Variants in TTLL4 observed in about 807,000 individuals in gnomAD.
TTLL4 encodes tubulin tyrosine ligase like 4.
TTLL4 carries 85 observed loss-of-function variants against 122.7 expected under a neutral mutation model. The ratio of observed to expected loss-of-function variants is 0.69; its 90% CI spans 0.58 to 0.83. The LOEUF (loss-of-function observed/expected upper bound fraction) is 0.83, where lower values mean the gene tolerates loss of function less well. Ranked by LOEUF, TTLL4 falls within the 40% of genes least tolerant of loss-of-function variation. The probability of loss-of-function intolerance (pLI) is 0.00; values close to 1 mark genes in which losing one functional copy is unlikely to be tolerated. For missense variants in TTLL4, 1,363 were observed against 1,488.6 expected (o/e 0.92, Z 1.39); for synonymous variants, 553 against 563.0 (o/e 0.98, Z 0.25).
At chr2:218,753,986 T>C in intron 19 of TTLL4, 148 bp from the exon 20 acceptor site, 6 of 1,246,900 alleles carry the variant, frequency 4.8e-6, no homozygotes, top group Non-Finnish European at 5.6e-6. Context: ...TAAATAGAAT[T>C]TTTTTTATGG....
chr2:218,732,549 C>T (rs912360421), intron 2 of TTLL4, among the ~76,000 whole-genome samples: 6 of 152,116 alleles, frequency 3.9e-5, no homozygotes, highest in African/African-American at 9.7e-5. Context: ...TATGTGCTGT[C>T]GGTAGGGTCT....
intron 19 of TTLL4, 75 bp downstream of exon 19, chr2:218,753,744 A>G (rs1943087911): frequency 6.6e-7 from 1 of 1,511,012 alleles, no homozygotes; most frequent in African/African-American, 1.4e-5. Context: ...CTCTTCCCAG[A>G]CTGTGGCAGT....
Position 218,750,158 on chromosome 2 carries a change from A to G in TTLL4, c.2873+12A>G, listed in dbSNP as rs1435940931. 2.5e-6 allele frequency: 4 copies of G among 1,612,722 alleles called. No homozygotes were observed. Among genetic ancestry groups the G allele is most frequent in the African/African-American group, 2.7e-5 (2 of 74,868 alleles). ...AGCTCCACCACCAGGTGAGGCCCCT[A>G]TTTCTTCACAGCTCTGCTGGCAGCA... On this transcript the variant is annotated intron_variant, in intron 15 of 19. Transcript: ENST00000392102.
chr2:218,721,645 GT>G (rs928378340), intron 1 of TTLL4, among the ~76,000 whole-genome samples: 14 of 152,158 alleles, frequency 9.2e-5, no homozygotes, highest in African/African-American at 3.4e-4. Flanking sequence ...AGTGAAAAAA[GT>G]TTTTTCCCCC....
chr2:218,750,478 A>G (rs1942986597), intron 15 of TTLL4, among the ~76,000 whole-genome samples: 1 of 152,030 alleles, frequency 6.6e-6, no homozygotes, highest in Non-Finnish European at 1.5e-5. Flanking sequence ...CACTATGATG[A>G]TCATGCCTGT....
intron 18 of TTLL4, 124 bp downstream of exon 18, chr2:218,753,309 T>TG: frequency 1.9e-6 from 2 of 1,077,438 alleles, no homozygotes; most frequent in Non-Finnish European, 2.8e-6. Flanking sequence ...GCTCTGCTTC[T>TG]GTCTCACCAT....
Position 218,754,338 on chromosome 2 carries a change from T to C in TTLL4, c.3549T>C (p.Ala1183=). ...KCSGQTSRLS[A]SSTFQSISDS... ...CTGGGCAGACTTCAAGACTTTCTGCTTCCTCCACTTTCCAGTCAATCAGTG... is the reference window on the plus strand; with the variant it reads ...CTGGGCAGACTTCAAGACTTTCTGCCTCCTCCACTTTCCAGTCAATCAGTG... Residue 1183 remains alanine, a synonymous_variant, in exon 20 of 20, where the codon GCT becomes GCC. Transcript: ENST00000392102. 1 of 1,614,168 alleles carries C rather than the reference T, an allele frequency of 6.2e-7. No individual in the cohort carries two copies. The highest frequency in any genetic ancestry group is 8.5e-7 in the Non-Finnish European group (1 of 1,180,030).
At chr2:218,745,860 T>A in intron 7 of TTLL4, 59 bp downstream of exon 7, 1 of 1,482,232 alleles carries the variant, frequency 6.7e-7, no homozygotes, top group Admixed American at 1.8e-5. Context: ...GGGCTTTGCA[T>A]AGGGGGAGAG....
Position 218,728,703 on chromosome 2 carries a change from A to G in TTLL4, c.-99+1356A>G, listed in dbSNP as rs116792984. Among the ~76,000 whole-genome samples, 481 of 152,338 alleles carry G rather than the reference A, an allele frequency of 3.2e-3. 1 individual carries two copies. The highest frequency in any genetic ancestry group is 0.011 in the African/African-American group (459 of 41,574). On this transcript the variant is annotated intron_variant, in intron 2 of 19. Transcript: ENST00000392102. The stretch of plus-strand genomic sequence containing the variant: ...GAAGGCTGACTAGGGATTTGTGCCC[A>G]GGAGACCTGTAGAACATACCTCCTA...
Position 218,739,183 on chromosome 2 carries a change from G to A in TTLL4, c.1487+20G>A, listed in dbSNP as rs1157434138. On this transcript the variant is annotated intron_variant, in intron 3 of 19. Coordinates refer to ENST00000392102, the MANE Select transcript of TTLL4 (RefSeq NM_014640.5). The stretch of plus-strand genomic sequence containing the variant: ...TATTAGGTATGTTGGCAATGTTTTT[G>A]GTTCATTTAGAGCAGTAGAATGTAT... 1 of 1,599,708 alleles carries A rather than the reference G, an allele frequency of 6.3e-7. No individual in the cohort carries two copies. Among genetic ancestry groups the A allele is most frequent in the Admixed American group, 1.7e-5 (1 of 58,902 alleles).
intron 2 of TTLL4, among the ~76,000 whole-genome samples, chr2:218,728,335 A>G (rs1942254956): frequency 6.6e-6 from 1 of 152,318 alleles, no homozygotes; most frequent in East Asian, 1.9e-4. Flanking sequence ...TCTGGGGGTG[A>G]TGGAAGATAG....
At chr2:218,726,933 G>A (rs1263433382) in intron 1 of TTLL4, among the ~76,000 whole-genome samples, 1 of 151,966 alleles carries the variant, frequency 6.6e-6, no homozygotes, top group African/African-American at 2.4e-5. Flanking sequence ...GCCTCCTGTA[G>A]CCTGTAGCTG....
chr2:218,740,630 T>C, intron 5 of TTLL4, 46 bp downstream of exon 5: 1 of 1,597,976 alleles, frequency 6.3e-7, no homozygotes, highest in South Asian at 1.1e-5. Context: ...ATCTTTTGTC[T>C]CTTAAAGATT....
intron 2 of TTLL4, among the ~76,000 whole-genome samples, chr2:218,733,061 A>G (rs1405266385): frequency 1.3e-5 from 2 of 152,108 alleles, no homozygotes; most frequent in East Asian, 1.9e-4. Context: ...ATCTTATCCA[A>G]CCTTGGATAT....
chr2:218,723,427 A>T (rs1559358726), intron 1 of TTLL4, among the ~76,000 whole-genome samples: 1 of 152,160 alleles, frequency 6.6e-6, no homozygotes, highest in Non-Finnish European at 1.5e-5. Context: ...TTGTATGTTG[A>T]TGGGTCCTAG....
intron 8 of TTLL4, chr2:218,746,676 G>T: frequency 2.5e-6 from 1 of 399,090 alleles, no homozygotes. Context: ...GAATGAATGA[G>T]TCCCTTGCCT....
chr2:218,737,315 G>A (rs541677705), intron 2 of TTLL4, among the ~76,000 whole-genome samples: 1 of 152,258 alleles, frequency 6.6e-6, no homozygotes, highest in South Asian at 2.1e-4. Context: ...ACAGAGTGGG[G>A]ACTCATAAGC....
intron 1 of TTLL4, among the ~76,000 whole-genome samples, chr2:218,725,682 A>C (rs1942170964): frequency 6.6e-6 from 1 of 151,926 alleles, no homozygotes; most frequent in Non-Finnish European, 1.5e-5. Context: ...CAGCCTCCCA[A>C]GTAGCTGGGA....
intron 19 of TTLL4, 149 bp from the exon 20 acceptor site, chr2:218,753,984 AT>A (rs1258807293): frequency 9.8e-6 from 12 of 1,228,188 alleles, no homozygotes; most frequent in East Asian, 2.3e-5. Flanking sequence ...AGTAAATAGA[AT>A]TTTTTTTATG....
Sources: gnomAD v4.1 joint callset for allele counts (sites outside exome capture counted in the v4.1 genomes callset) on GRCh38, gnomAD v4.1.1 for gene constraint, MANE v1.5 for transcripts, NCBI Gene and HGNC (gene_info 2026-07-23, HGNC 2026-07-21) for gene names.